IL1RAP: variants seen among roughly 807,000 people sequenced by gnomAD.
The protein encoded by IL1RAP is interleukin 1 receptor accessory protein.
IL1RAP carries 35 observed loss-of-function variants against 60.7 expected under a neutral mutation model. That is an observed-to-expected ratio of 0.58 (90% CI 0.44 to 0.76). The LOEUF is 0.76. Ranked by LOEUF, IL1RAP falls within the 30% of genes least tolerant of loss-of-function variation. The pLI is 0.00. For missense variants in IL1RAP, 572 were observed against 693.9 expected, an observed-to-expected ratio of 0.82 and a Z score of 1.97; for synonymous variants, 268 against 250.9, an observed-to-expected ratio of 1.07 and a Z score of -0.64.
intron 1 of IL1RAP, among the ~76,000 whole-genome samples, chr3:190,531,217 C>T (rs190597455): frequency 5.3e-5 from 8 of 152,186 alleles, no homozygotes; most frequent in African/African-American, 1.9e-4. Context: ...TGCCACCGTA[C>T]TCTAGCCTGA....
Position 190,649,284 on chromosome 3 carries a change from T to G in IL1RAP, c.*579T>G. The G allele has an allele frequency of 1.0e-6, 1 of 985,492 alleles. No individual in the cohort carries two copies. Among genetic ancestry groups the G allele is most frequent in the African/African-American group, 1.7e-5 (1 of 57,364 alleles). 61.0% of individuals were successfully genotyped at this position (985,492 alleles called of 1,614,324 possible). ...AACTGAAAATGTTTCTTTTAATTGA[T>G]TTAAAGGACTTGTCTTCTATACCAC... is the stretch of plus-strand genomic sequence containing the variant. On this transcript the variant is annotated 3_prime_UTR_variant, in exon 12 of 12. Transcript: ENST00000447382.
chr3:190,517,351 A>T (rs1297186640), intron 1 of IL1RAP, among the ~76,000 whole-genome samples: 1 of 152,206 alleles, frequency 6.6e-6, no homozygotes, highest in Non-Finnish European at 1.5e-5. Context: ...AGATTGAACA[A>T]CAAATGTTAT....
chr3:190,642,696 A>T (rs1005161221), intron 9 of IL1RAP, among the ~76,000 whole-genome samples: 2 of 152,158 alleles, frequency 1.3e-5, no homozygotes, highest in Non-Finnish European at 2.9e-5. Context: ...ACTAATCACT[A>T]TTTAAAATTA....
chr3:190,608,693 T>C (rs1192178994), intron 4 of IL1RAP, among the ~76,000 whole-genome samples: 1 of 152,212 alleles, frequency 6.6e-6, no homozygotes, highest in Non-Finnish European at 1.5e-5. Flanking sequence ...TAATCCATCA[T>C]TAACTGAAAT....
At position 190,627,309 on chromosome 3, in the gene IL1RAP, G is replaced by GT. The variant is rs34908328; in HGVS notation, c.776-4dup. 1,123 of 1,343,666 alleles carry GT rather than the reference G, an allele frequency of 8.4e-4. No individual in the cohort carries two copies. Among genetic ancestry groups the GT allele is most frequent in the Non-Finnish European group, 9.1e-4 (914 of 999,362 alleles). 83.2% of individuals were successfully genotyped at this position (1,343,666 alleles called of 1,614,324 possible). On this transcript the variant is annotated splice_polypyrimidine_tract_variant and intron_variant, in intron 7 of 11. Transcript: ENST00000447382. The stretch of plus-strand genomic sequence containing the variant: ...GTTTTTTGTTTTTTTTGTTTTTTTG[G>GT]TTTTTTTTTTCAGGAGAGGAGCTAC...
At chr3:190,631,858 TG>T (rs1369406345) in intron 9 of IL1RAP, among the ~76,000 whole-genome samples, 1 of 152,024 alleles carries the variant, frequency 6.6e-6, no homozygotes, top group Non-Finnish European at 1.5e-5. Context: ...TGAAGTGCAG[TG>T]GCATGATCTC....
At chr3:190,629,224 G>A in intron 8 of IL1RAP, 126 bp from the exon 9 acceptor site, 1 of 627,440 alleles carries the variant, frequency 1.6e-6, no homozygotes, top group Non-Finnish European at 2.8e-6. Flanking sequence ...AGGTGGCTCA[G>A]CTTATCAACC....
intron 1 of IL1RAP, among the ~76,000 whole-genome samples, chr3:190,525,430 A>G (rs1722426417): frequency 6.6e-6 from 1 of 152,228 alleles, no homozygotes; most frequent in Admixed American, 6.5e-5. Context: ...GGCAAGGCCT[A>G]GGTCAGACTG....
chr3:190,604,451 T>G (rs376087452), intron 4 of IL1RAP, 38 bp downstream of exon 4: 32 of 1,592,336 alleles, frequency 2.0e-5, no homozygotes, highest in South Asian at 2.2e-5. Context: ...TCTTTTCCCT[T>G]TAGTTTCTGG....
At chr3:190,641,501 TC>T (rs1394383969) in intron 9 of IL1RAP, among the ~76,000 whole-genome samples, 3 of 152,222 alleles carry the variant, frequency 2.0e-5, no homozygotes, top group African/African-American at 7.2e-5. Context: ...CATTAATGAC[TC>T]CTTTTTATCA....
At chr3:190,538,572 A>G (rs578066640) in intron 1 of IL1RAP, among the ~76,000 whole-genome samples, 1 of 152,300 alleles carries the variant, frequency 6.6e-6, no homozygotes, top group Admixed American at 6.5e-5. Flanking sequence ...TTTGAGGGAA[A>G]AAACAAATAC....
chr3:190,596,679 C>T (rs3773954), intron 3 of IL1RAP, among the ~76,000 whole-genome samples: 78,946 of 151,924 alleles, frequency 0.52, 20,823 homozygotes, highest in African/African-American at 0.58. Flanking sequence ...AGAGGACTTC[C>T]ACTGTGGAGT....
In IL1RAP at chr3:190,555,061, A is replaced by G. The variant is rs556861240; in HGVS notation, c.-88-1069A>G. On this transcript the variant is annotated intron_variant, in intron 1 of 11. Transcript: ENST00000447382. ...TCGTGATCTTCAGACCATCCTTTTG[A>G]ATTAGAGAGGTTATTAGTGGCAATG... is the stretch of plus-strand genomic sequence containing the variant. Among the ~76,000 whole-genome samples the G allele has an allele frequency of 4.6e-5, 7 of 152,194 alleles. No individual in the cohort carries two copies. The South Asian group carries it at 1.2e-3, about 27-fold the overall frequency.
chr3:190,560,765 A>G (rs78163665), intron 2 of IL1RAP, among the ~76,000 whole-genome samples: 1,791 of 152,344 alleles, frequency 0.012, 24 homozygotes, highest in African/African-American at 0.038. Flanking sequence ...TACCAAGTCT[A>G]GAGAATGCAG....
At chr3:190,652,448 G>A (rs1397216431), downstream of IL1RAP, among the ~76,000 whole-genome samples, 4 of 148,874 alleles carry the variant, frequency 2.7e-5, no homozygotes, top group Non-Finnish European at 4.4e-5. Context: ...GCGACAGAGC[G>A]AGACTTCAGA....
Position 190,646,357 on chromosome 3 carries a change from CT to C in IL1RAP, c.1345+523del, listed in dbSNP as rs900984309. ...ACAGTATTTTCCTGTGGCATTTGCTCTTTTTTTTCCCCCTCACTTTTCTTTT... is the reference window on the plus strand; with the variant it reads ...ACAGTATTTTCCTGTGGCATTTGCTCTTTTTTTCCCCCTCACTTTTCTTTT... On this transcript the variant is annotated intron_variant, in intron 11 of 11. Coordinates refer to ENST00000447382, the MANE Select transcript of IL1RAP (RefSeq NM_002182.4). Among the ~76,000 whole-genome samples the C allele has an allele frequency of 2.3e-3, 353 of 151,992 alleles. 2 individuals are homozygous for C. Among genetic ancestry groups the C allele is most frequent in the African/African-American group, 7.5e-3 (310 of 41,460 alleles).
chr3:190,548,931 A>G (rs138016866), intron 1 of IL1RAP, among the ~76,000 whole-genome samples: 34 of 152,290 alleles, frequency 2.2e-4, no homozygotes, highest in Middle Eastern at 3.4e-3. Context: ...TAGAGTTTTC[A>G]CTATGGCAGT....
intron 5 of IL1RAP, among the ~76,000 whole-genome samples, chr3:190,616,830 TC>T (rs1731318682): frequency 6.6e-6 from 1 of 152,186 alleles, no homozygotes; most frequent in Admixed American, 6.6e-5. Flanking sequence ...CACTAACGTG[TC>T]GAGCATTTAC....
At chr3:190,588,120 T>C (rs1728622383) in intron 3 of IL1RAP, among the ~76,000 whole-genome samples, 1 of 152,178 alleles carries the variant, frequency 6.6e-6, no homozygotes, top group South Asian at 2.1e-4. Flanking sequence ...TTTTTTTCTT[T>C]CTTTCTTTTT....
Sources: allele counts gnomAD v4.1 joint callset (sites outside exome capture counted in the v4.1 genomes callset), GRCh38; gene constraint gnomAD v4.1.1; transcripts MANE v1.5; gene names NCBI Gene and HGNC (gene_info 2026-07-23, HGNC 2026-07-21).